TIGD1: variants seen among roughly 807,000 people sequenced by gnomAD.
TIGD1 encodes tigger transposable element derived 1, also known as tigger transposable element-derived protein 1.
A neutral mutation model predicts 21.3 loss-of-function variants in TIGD1; 20 were observed. The ratio of observed to expected loss-of-function variants is 0.94; its 90% CI spans 0.66 to 1.36. The LOEUF (loss-of-function observed/expected upper bound fraction) is 1.36, where lower values mean the gene tolerates loss of function less well. Ranked by LOEUF, TIGD1 falls within the 40% of genes most tolerant of loss-of-function variation. The probability of loss-of-function intolerance (pLI) is 0.00; values close to 1 mark genes in which losing one functional copy is unlikely to be tolerated. For synonymous variants in TIGD1, 177 were observed against 123.2 expected (o/e 1.44, Z -2.89); for missense variants, 556 against 350.5 (o/e 1.59, Z -4.68).
rs1291721780 is a variant in TIGD1 at position 232,549,752 on chromosome 2, C to T, written c.131G>A (p.Arg44Gln). Residue 44 changes from arginine (R) to glutamine (Q), a missense_variant, in exon 1 of 1, where the codon CGG (arginine) becomes CAG (glutamine). Coordinates refer to ENST00000408957, the MANE Select transcript of TIGD1 (RefSeq NM_145702.4). The stretch of plus-strand genomic sequence containing the variant: ...ATTTACAACTTGGCTAACTGTTTGC[C>T]GCAGGAGGCCTAGCCTTCGGCCTAT... ...AEIGRRLGLL[R>Q]QTVSQVVNAK... The T allele has an allele frequency of 9.6e-6, 13 of 1,357,916 alleles. No individual in the cohort carries two copies. The highest frequency in any genetic ancestry group is 3.8e-5 in the South Asian group (3 of 79,934). The allele number at this position is 1,357,916 out of a possible 1,614,324, so 84.1% of individuals were successfully genotyped here.
At position 232,547,004 on chromosome 2, in the gene TIGD1, T is replaced by G. The variant is rs919630734; in HGVS notation, c.*1103A>C. Among the ~76,000 whole-genome samples, 5 of 152,176 alleles carry G rather than the reference T, an allele frequency of 3.3e-5. No homozygotes were observed. The highest frequency in any genetic ancestry group is 5.9e-5 in the Non-Finnish European group (4 of 68,026). On this transcript the variant is annotated 3_prime_UTR_variant, in exon 1 of 1. Coordinates refer to ENST00000408957, the MANE Select transcript of TIGD1 (RefSeq NM_145702.4). The stretch of plus-strand genomic sequence containing the variant: ...CTGGGGGAGAGGCAAGGTCCTGCTC[T>G]GAGATTACAGCCGGCACACGAGTTT...
Position 232,545,019 on chromosome 2 carries a change from G to A in TIGD1, c.*3088C>T, listed in dbSNP as rs117196251. 30,670 of 1,271,262 alleles carry A rather than the reference G, an allele frequency of 0.024. 667 individuals are homozygous for A. Among genetic ancestry groups the A allele is most frequent in the East Asian group, 0.11 (4,299 of 40,242 alleles). The allele number at this position is 1,271,262 out of a possible 1,614,324, so 78.7% of individuals were successfully genotyped here. A position where few individuals can be genotyped will look rare whatever the true frequency, so the allele number is the denominator to read the frequency against. On this transcript the variant is annotated 3_prime_UTR_variant, in exon 1 of 1. Coordinates refer to ENST00000408957, the MANE Select transcript of TIGD1 (RefSeq NM_145702.4). ...CAGTGGGATGGAAAAACATGAGGCC[G>A]GGTGCAGTGGGTCACACCTGTAATC...
Position 232,548,903 on chromosome 2 carries a change from G to C in TIGD1, c.980C>G (p.Thr327Arg). 1.5e-6 allele frequency: 1 copy of C among 659,952 alleles called. No homozygotes were observed. Among genetic ancestry groups the C allele is most frequent in the South Asian group, 1.6e-5 (1 of 63,444 alleles). 40.9% of individuals were successfully genotyped at this position (659,952 alleles called of 1,614,324 possible). A position where few individuals can be genotyped will look rare whatever the true frequency, so the allele number is the denominator to read the frequency against. Residue 327 changes from threonine (T) to arginine (R), a missense_variant, in exon 1 of 1, where the codon ACA becomes AGA. Thr to Arg is a moderately conservative substitution (Grantham distance 71, BLOSUM62 -1). Transcript: ENST00000408957. ...EINVIFMPAN[T>R]TSILQPMDQG... ...ATCCATGGGCTGCAGAATGGATGTT[G>C]TGTTAGCAGGCATGAAAATAACATT...
At position 232,550,305 on chromosome 2, in the gene TIGD1, C is replaced by A. The variant is rs757434101; in HGVS notation, c.-423G>T. On this transcript the variant is annotated 5_prime_UTR_variant, in exon 1 of 1. Transcript: ENST00000408957. ...TGCCATAGTACAGTGGCGCCGCGAC[C>A]GACAAAGGAAAGCCTCCGGGAGGTC... 1.5e-5 allele frequency: 5 copies of A among 324,848 alleles called. No individual in the cohort carries two copies. The highest frequency in any genetic ancestry group is 6.1e-5 in the South Asian group (1 of 16,510). 20.1% of individuals were successfully genotyped at this position (324,848 alleles called of 1,614,324 possible). A position where few individuals can be genotyped will look rare whatever the true frequency, so the allele number is the denominator to read the frequency against.
In TIGD1 at chr2:232,544,876, C is replaced by T. The variant is rs748268862; in HGVS notation, c.*3231G>A. 6.8e-6 allele frequency: 11 copies of T among 1,613,802 alleles called. No individual in the cohort carries two copies. Among genetic ancestry groups the T allele is most frequent in the African/African-American group, 1.3e-5 (1 of 74,886 alleles). On this transcript the variant is annotated 3_prime_UTR_variant, in exon 1 of 1. Transcript: ENST00000408957. ...AGCCTGCAACCTCATTGCCTGTGCC[C>T]GGCACCAGCAGAGTCACTTTGACAA...
chr2:232,547,702 C>T lies in TIGD1; in HGVS notation c.*405G>A, dbSNP rs547212134. Among the ~76,000 whole-genome samples the T allele has an allele frequency of 6.6e-6, 1 of 152,192 alleles. No individual in the cohort carries two copies. On this transcript the variant is annotated 3_prime_UTR_variant, in exon 1 of 1. Transcript: ENST00000408957. ...GGAGAACTTCAATCAGGGAGGGAAT[C>T]TGATGACAGTGGGGCCATTTCCGGT...
rs963781436 is a variant in TIGD1, at chr2:232,545,698, C to A, written c.*2409G>T. On this transcript the variant is annotated 3_prime_UTR_variant, in exon 1 of 1. Coordinates refer to ENST00000408957, the MANE Select transcript of TIGD1 (RefSeq NM_145702.4). ...CATTCCCTGGAGATCCACGCCCCTACCTGCCCTCACCAGACTGAGCCAACC... is the reference window on the plus strand; with the variant it reads ...CATTCCCTGGAGATCCACGCCCCTAACTGCCCTCACCAGACTGAGCCAACC... The A allele has an allele frequency of 1.3e-5, 21 of 1,614,092 alleles. No individual in the cohort carries two copies. The highest frequency in any genetic ancestry group is 1.3e-5 in the Non-Finnish European group (15 of 1,180,056).
In TIGD1 at chr2:232,544,700, TAAG is replaced by T; in HGVS notation, c.*3404_*3406del. ...TCAGGGAGAGAGGAGCTGGGGTCCC[TAAG>T]GAGAGGCCATCTTCTCTGCCTGTTT... is the stretch of plus-strand genomic sequence containing the variant. On this transcript the variant is annotated 3_prime_UTR_variant, in exon 1 of 1. Transcript: ENST00000408957. 6.3e-7 allele frequency: 1 copy of T among 1,592,552 alleles called. No individual in the cohort carries two copies. The highest frequency in any genetic ancestry group is 8.6e-7 in the Non-Finnish European group (1 of 1,161,856).
In TIGD1 at chr2:232,549,701, A is replaced by C; in HGVS notation, c.182T>G (p.Val61Gly). 1 of 821,432 alleles carries C rather than the reference A, an allele frequency of 1.2e-6. No homozygotes were observed. Among genetic ancestry groups the C allele is most frequent in the Non-Finnish European group, 2.1e-6 (1 of 480,920 alleles). The allele number at this position is 821,432 out of a possible 1,614,324, so 50.9% of individuals were successfully genotyped here. A position where few individuals can be genotyped will look rare whatever the true frequency, so the allele number is the denominator to read the frequency against. ...VNAKEKFLKE[V>G]KSATPMNTRM... is the part of the protein sequence containing the mutation. ...TGTGTTCATTGGAGTAGCACTTTTA[A>C]CTTCCTTCAAGAACTTTTCCTTTGC... The change falls in exon 1 of 1, where the codon GTT (valine) becomes GGT (glycine). Residue 61 changes from valine to glycine, a missense_variant. Transcript: ENST00000408957.
rs11690038 is a variant in TIGD1 at position 232,545,793 on chromosome 2, T to C, written c.*2314A>G. Reference sequence around the variant, plus strand: ...AGTCTTATCAGCCACGTTCTCCTACTGAGGTCCTAAGTGTGCTCTTTGGGA... The same window carrying C: ...AGTCTTATCAGCCACGTTCTCCTACCGAGGTCCTAAGTGTGCTCTTTGGGA... On this transcript the variant is annotated 3_prime_UTR_variant, in exon 1 of 1. Transcript: ENST00000408957. The C allele has an allele frequency of 0.023, 35,399 of 1,512,122 alleles. 764 individuals are homozygous for C. The highest frequency in any genetic ancestry group is 0.11 in the East Asian group (4,699 of 44,394). 93.7% of individuals were successfully genotyped at this position (1,512,122 alleles called of 1,614,324 possible).
At position 232,549,820 on chromosome 2, in the gene TIGD1, T is replaced by C; in HGVS notation, c.63A>G (p.Leu21=). The C allele has an allele frequency of 6.5e-7, 1 of 1,544,466 alleles. No individual in the cohort carries two copies. Among genetic ancestry groups the C allele is most frequent in the Middle Eastern group, 2.1e-4 (1 of 4,766 alleles). The part of the protein sequence containing the change: ...SRTSLTLNQK[L]EMIKLSEEGM... ...CTTCCTCACTCAGTTTAATCATTTCTAGTTTTTGATTTAAAGTGAGAGATG... is the reference window on the plus strand; with the variant it reads ...CTTCCTCACTCAGTTTAATCATTTCCAGTTTTTGATTTAAAGTGAGAGATG... Residue 21 remains leucine (L), a synonymous_variant, in exon 1 of 1, where the codon CTA becomes CTG. Transcript: ENST00000408957.
Position 232,548,169 on chromosome 2 carries a change from A to C in TIGD1, c.1714T>G (p.Ser572Ala), listed in dbSNP as rs1692164381. 1 of 1,446,668 alleles carries C rather than the reference A, an allele frequency of 6.9e-7. No homozygotes were observed. The highest frequency in any genetic ancestry group is 9.3e-7 in the Non-Finnish European group (1 of 1,079,162). The allele number at this position is 1,446,668 out of a possible 1,614,324, so 89.6% of individuals were successfully genotyped here. A position where few individuals can be genotyped will look rare whatever the true frequency, so the allele number is the denominator to read the frequency against. ...GGTGGAGGGTCTTGCCTCGAGGTTG[A>C]TGGTTGCTGACTGGTCAGGGTGGTG... ...AATTLTSQQP[S>A]TSRQDPPPAK... Residue 572 changes from serine (S) to alanine (A), a missense_variant, in exon 1 of 1, where the codon TCA becomes GCA. Transcript: ENST00000408957.
Position 232,548,526 on chromosome 2 carries a change from TATC to T in TIGD1, c.1354_1356del (p.Asp452del). The stretch of plus-strand genomic sequence containing the variant: ...AACAACTCCTCATCTGTTAAAGTTT[TATC>T]ATGAGATTGCAGCAATTCAGTTACA... On this transcript the variant is annotated inframe_deletion, in exon 1 of 1. Transcript: ENST00000408957. 1 of 648,154 alleles carries T rather than the reference TATC, an allele frequency of 1.5e-6. No individual in the cohort carries two copies. The highest frequency in any genetic ancestry group is 1.8e-5 in the African/African-American group (1 of 56,448). 40.2% of individuals were successfully genotyped at this position (648,154 alleles called of 1,614,324 possible). A position where few individuals can be genotyped will look rare whatever the true frequency, so the allele number is the denominator to read the frequency against.
At position 232,544,484 on chromosome 2, in the gene TIGD1, A is replaced by G. The variant is rs750718050; in HGVS notation, c.*3623T>C. The G allele has an allele frequency of 2.5e-6, 4 of 1,613,704 alleles. No individual in the cohort carries two copies. The East Asian group carries it at 8.9e-5, about 36-fold the overall frequency. On this transcript the variant is annotated 3_prime_UTR_variant, in exon 1 of 1. Transcript: ENST00000408957. Reference sequence around the variant, plus strand: ...TGGCTCCTCGGGATGGTCGATCACAACTGGGGAGGAGGTGGCCCTCTGCCT... The same window carrying G: ...TGGCTCCTCGGGATGGTCGATCACAGCTGGGGAGGAGGTGGCCCTCTGCCT...
chr2:232,548,635 C>T lies in TIGD1; in HGVS notation c.1248G>A (p.Gly416=), dbSNP rs1028750927. The change falls in exon 1 of 1, where the codon GGG becomes GGA. Residue 416 remains glycine (G), a synonymous_variant. Coordinates refer to ENST00000408957, the MANE Select transcript of TIGD1 (RefSeq NM_145702.4). Reference sequence around the variant, plus strand: ...TTACTTCCTCCACTGAAGTCTTGAACCCCTCATAGTCATCAATGAGGGTGG... The same window carrying T: ...TTACTTCCTCCACTGAAGTCTTGAATCCCTCATAGTCATCAATGAGGGTGG... ...LIPTLIDDYE[G]FKTSVEEVSA... 5 of 517,280 alleles carry T rather than the reference C, an allele frequency of 9.7e-6. No individual in the cohort carries two copies. Among genetic ancestry groups the T allele is most frequent in the African/African-American group, 5.7e-5 (3 of 52,906 alleles). The allele number at this position is 517,280 out of a possible 1,614,324, so 32.0% of individuals were successfully genotyped here.
chr2:232,544,878 G>C lies in TIGD1; in HGVS notation c.*3229C>G, dbSNP rs758536494. On this transcript the variant is annotated 3_prime_UTR_variant, in exon 1 of 1. Coordinates refer to ENST00000408957, the MANE Select transcript of TIGD1 (RefSeq NM_145702.4). ...CCTGCAACCTCATTGCCTGTGCCCG[G>C]CACCAGCAGAGTCACTTTGACAATG... 1 of 1,614,016 alleles carries C rather than the reference G, an allele frequency of 6.2e-7. No individual in the cohort carries two copies.
rs1692118023 is a variant in TIGD1 at position 232,545,642 on chromosome 2, A to G, written c.*2465T>C. The G allele has an allele frequency of 1.2e-6, 2 of 1,613,946 alleles. No homozygotes were observed. The highest frequency in any genetic ancestry group is 1.7e-6 in the Non-Finnish European group (2 of 1,180,026). Reference sequence around the variant, plus strand: ...CTGTGGCACAGCTGGCATCTTCCTCATGGCCCACTACAACCGGGTGCCGGC... The same window carrying G: ...CTGTGGCACAGCTGGCATCTTCCTCGTGGCCCACTACAACCGGGTGCCGGC... On this transcript the variant is annotated 3_prime_UTR_variant, in exon 1 of 1. Transcript: ENST00000408957.
rs1384653583 is a variant in TIGD1 at position 232,544,944 on chromosome 2, G to T, written c.*3163C>A. 1.2e-6 allele frequency: 2 copies of T among 1,612,848 alleles called. No homozygotes were observed. The highest frequency in any genetic ancestry group is 3.3e-5 in the Admixed American group (2 of 59,948). The stretch of plus-strand genomic sequence containing the variant: ...TGGGGTGGAGGTGGAGTGAGTACCT[G>T]GGCTTGGAACCGTGATAGAGACAGG... On this transcript the variant is annotated 3_prime_UTR_variant, in exon 1 of 1. Transcript: ENST00000408957.
chr2:232,544,477 G>A lies in TIGD1; in HGVS notation c.*3630C>T, dbSNP rs200065628. ...TACAGAATGGCTCCTCGGGATGGTC[G>A]ATCACAACTGGGGAGGAGGTGGCCC... On this transcript the variant is annotated 3_prime_UTR_variant, in exon 1 of 1. Coordinates refer to ENST00000408957, the MANE Select transcript of TIGD1 (RefSeq NM_145702.4). 32 of 1,613,612 alleles carry A rather than the reference G, an allele frequency of 2.0e-5. No homozygotes were observed. Among genetic ancestry groups the A allele is most frequent in the African/African-American group, 1.1e-4 (8 of 74,920 alleles).
Sources: gnomAD v4.1 joint callset for allele counts (sites outside exome capture counted in the v4.1 genomes callset) on GRCh38, gnomAD v4.1.1 for gene constraint, MANE v1.5 for transcripts, NCBI Gene and HGNC (gene_info 2026-07-23, HGNC 2026-07-21) for gene names.